BICD1: variants seen among roughly 807,000 people sequenced by gnomAD.
The protein encoded by BICD1 is BICD cargo adaptor 1.
In BICD1, 35 loss-of-function variants were observed where a neutral mutation model predicts 92.5. The ratio of observed to expected loss-of-function variants is 0.38; its 90% confidence interval spans 0.29 to 0.50. The LOEUF is 0.50. Ranked by LOEUF, BICD1 falls within the 20% of genes least tolerant of loss-of-function variation. The pLI is 0.93. For missense variants in BICD1, 950 were observed against 1,189.8 expected (o/e 0.80, Z 2.97); for synonymous variants, 429 against 465.1 (o/e 0.92, Z 1.00).
chr12:32,272,128 C>T (rs1234961050), intron 2 of BICD1, among the ~76,000 whole-genome samples: 1 of 152,170 alleles, frequency 6.6e-6, no homozygotes, highest in African/African-American at 2.4e-5. Context: ...TGTTCTTTCA[C>T]TATTTCTTTT....
chr12:32,313,976 C>T lies in BICD1; in HGVS notation c.1005+7854C>T, dbSNP rs773353614. On this transcript the variant is annotated intron_variant, in intron 4 of 9. Coordinates refer to ENST00000652176, the MANE Select transcript of BICD1 (RefSeq NM_001714.4). The surrounding 1 kb of genome is among the most constrained non-coding windows in gnomAD (Gnocchi z 4.2). ...TCCAGCCTAGGTGAAAGAGCGTGAC[C>T]CTATCAATAAATAAATAAAATAAAA... Among the ~76,000 whole-genome samples, 1 of 152,080 alleles carries T rather than the reference C, an allele frequency of 6.6e-6. No individual in the cohort carries two copies. The highest frequency in any genetic ancestry group is 1.5e-5 in the Non-Finnish European group (1 of 68,038).
chr12:32,270,466 G>A (rs185487), intron 2 of BICD1, among the ~76,000 whole-genome samples: 99,243 of 152,002 alleles, frequency 0.65, 32,931 homozygotes, highest in African/African-American at 0.78. Context: ...TGTTATGGGT[G>A]GAACTGATTA....
At chr12:32,193,690 G>A (rs1447810042) in intron 1 of BICD1, among the ~76,000 whole-genome samples, 2 of 152,036 alleles carry the variant, frequency 1.3e-5, no homozygotes, top group Non-Finnish European at 2.9e-5. Context: ...GACCAAATAA[G>A]TAAGGAGATT....
intron 2 of BICD1, among the ~76,000 whole-genome samples, chr12:32,264,336 C>T (rs943242501): frequency 6.6e-6 from 1 of 152,172 alleles, no homozygotes; most frequent in Non-Finnish European, 1.5e-5. Flanking sequence ...TACACAATTT[C>T]TTGCATATTG....
In BICD1 at chr12:32,263,676, G is replaced by A. The variant is rs867773257; in HGVS notation, c.427-30318G>A. On this transcript the variant is annotated intron_variant, in intron 2 of 9. Transcript: ENST00000652176. The stretch of plus-strand genomic sequence containing the variant: ...GAGCCAGTTCTCACCTGGCAATAAG[G>A]TACTCCAAAAGTTCATTCATAAGTA... Among the ~76,000 whole-genome samples the A allele has an allele frequency of 7.9e-5, 12 of 152,206 alleles. No homozygotes were observed. In the Middle Eastern group the frequency reaches 0.017, roughly 216 times the overall value.
At chr12:32,208,588 C>T (rs947170574) in intron 1 of BICD1, among the ~76,000 whole-genome samples, 2 of 152,102 alleles carry the variant, frequency 1.3e-5, no homozygotes, top group African/African-American at 2.4e-5. Flanking sequence ...CTCCTATTAA[C>T]TTTTGAGCCA....
intron 1 of BICD1, among the ~76,000 whole-genome samples, chr12:32,171,988 C>CAT (rs144322675): frequency 1.3e-4 from 17 of 132,534 alleles, no homozygotes; most frequent in African/African-American, 4.6e-4. Context: ...CACACACACA[C>CAT]ACTAAAACTG....
At chr12:32,229,981 T>G (rs1483590264) in intron 2 of BICD1, among the ~76,000 whole-genome samples, 1 of 151,936 alleles carries the variant, frequency 6.6e-6, no homozygotes, top group Admixed American at 6.6e-5. Context: ...GCTAGAAAAT[T>G]TAATATATGG....
chr12:32,361,598 T>A (rs1939330761), intron 8 of BICD1, among the ~76,000 whole-genome samples: 1 of 151,172 alleles, frequency 6.6e-6, no homozygotes, highest in African/African-American at 2.4e-5. Context: ...AAGGAAGAAC[T>A]TGGATACTTG....
chr12:32,143,503 C>A (rs1369149795), intron 1 of BICD1, among the ~76,000 whole-genome samples: 1 of 151,948 alleles, frequency 6.6e-6, no homozygotes, highest in Non-Finnish European at 1.5e-5. Flanking sequence ...GTACACAGTG[C>A]TAGTTATTTC....
chr12:32,179,188 T>C (rs1289502346), intron 1 of BICD1, among the ~76,000 whole-genome samples: 1 of 151,952 alleles, frequency 6.6e-6, no homozygotes, highest in African/African-American at 2.4e-5. Flanking sequence ...AATGCTGCTT[T>C]GCATTTATCC....
chr12:32,209,697 C>T (rs1284695249), intron 1 of BICD1, among the ~76,000 whole-genome samples: 2 of 152,074 alleles, frequency 1.3e-5, no homozygotes, highest in East Asian at 1.9e-4. Context: ...CTTAGCAACA[C>T]TTATATCTAA....
chr12:32,281,220 C>A (rs568998287), intron 2 of BICD1, among the ~76,000 whole-genome samples: 1 of 152,008 alleles, frequency 6.6e-6, no homozygotes, highest in Non-Finnish European at 1.5e-5. Flanking sequence ...TTTTTCTTCC[C>A]GAACATGTTT....
rs1948195188 is a variant in BICD1 at position 32,305,801 on chromosome 12, G to A, written c.684G>A (p.Glu228=). The A allele has an allele frequency of 1.2e-6, 2 of 1,614,172 alleles. No homozygotes were observed. Among genetic ancestry groups the A allele is most frequent in the South Asian group, 1.1e-5 (1 of 91,080 alleles). The change falls in exon 4 of 10, where the codon GAG becomes GAA. Residue 228 remains glutamate (E), a synonymous_variant. Coordinates refer to ENST00000652176, the MANE Select transcript of BICD1 (RefSeq NM_001714.4). The part of the protein sequence containing the change: ...EDAIRLKEIA[E]HQLEEALETL... Reference sequence around the variant, plus strand: ...CCATCCGATTGAAAGAGATTGCTGAGCACCAACTGGAAGAAGCCCTCGAGA... The same window carrying A: ...CCATCCGATTGAAAGAGATTGCTGAACACCAACTGGAAGAAGCCCTCGAGA...
At chr12:32,156,313 G>A (rs2121463300) in intron 1 of BICD1, among the ~76,000 whole-genome samples, 1 of 152,316 alleles carries the variant, frequency 6.6e-6, no homozygotes, top group African/African-American at 2.4e-5. Flanking sequence ...CTCTGTGTGT[G>A]AGGTGCCTGC....
At chr12:32,330,634 T>G (rs1180569573) in intron 5 of BICD1, among the ~76,000 whole-genome samples, 1 of 151,196 alleles carries the variant, frequency 6.6e-6, no homozygotes, top group African/African-American at 2.4e-5. Context: ...GAATGAAGAA[T>G]TTGTGAGAGA....
intron 2 of BICD1, among the ~76,000 whole-genome samples, chr12:32,230,684 G>C (rs532480011): frequency 1.8e-4 from 28 of 152,278 alleles, no homozygotes; most frequent in African/African-American, 6.5e-4. Flanking sequence ...TGCTCTGAAA[G>C]CAGCCACGTG....
chr12:32,170,188 G>A (rs1943895624), intron 1 of BICD1, among the ~76,000 whole-genome samples: 1 of 152,134 alleles, frequency 6.6e-6, no homozygotes. Flanking sequence ...TCAGTTTCAT[G>A]CTCTGAAAAA....
At chr12:32,232,079 T>A (rs551332599) in intron 2 of BICD1, among the ~76,000 whole-genome samples, 1 of 151,590 alleles carries the variant, frequency 6.6e-6, no homozygotes, top group Non-Finnish European at 1.5e-5. Flanking sequence ...GCAGCCTGAT[T>A]TATAGTCCTT....
Sources: allele counts gnomAD v4.1 joint callset (sites outside exome capture counted in the v4.1 genomes callset), GRCh38; gene constraint gnomAD v4.1.1; non-coding constraint Gnocchi (gnomAD v3.1); transcripts MANE v1.5; gene names NCBI Gene and HGNC (gene_info 2026-07-23, HGNC 2026-07-21).